The following PAWR variants were observed in gnomAD, a reference collection of about 807,000 sequenced individuals.
The protein encoded by PAWR is PRKC apoptosis WT1 regulator protein.
In PAWR, 23 loss-of-function variants were observed where a neutral mutation model predicts 32.0. The ratio of observed to expected loss-of-function variants is 0.72; its 90% confidence interval spans 0.52 to 1.02. PAWR has a LOEUF of 1.02. Among genes scored for constraint, PAWR ranks in the 50% least tolerant of loss-of-function variants. The pLI, the probability that PAWR is intolerant of heterozygous loss-of-function variation, is 0.00. For synonymous variants in PAWR, 226 were observed against 187.1 expected (o/e 1.21, Z -1.70); for missense variants, 457 against 437.7 (o/e 1.04, Z -0.39).
At chr12:79,673,506 C>T (rs569660861) in intron 2 of PAWR, among the ~76,000 whole-genome samples, 2 of 152,346 alleles carry the variant, frequency 1.3e-5, no homozygotes, top group South Asian at 2.1e-4. Context: ...CTTGCTTAGT[C>T]ACTAGAGCAG....
chr12:79,670,798 G>C (rs1877852710), intron 2 of PAWR, among the ~76,000 whole-genome samples: 1 of 150,888 alleles, frequency 6.6e-6, no homozygotes, highest in Admixed American at 6.6e-5. Context: ...TGATTTTAAA[G>C]CAAAACCTTA....
chr12:79,681,332 T>C (rs981713181), intron 2 of PAWR, among the ~76,000 whole-genome samples: 3 of 152,104 alleles, frequency 2.0e-5, no homozygotes, highest in African/African-American at 7.2e-5. Flanking sequence ...TGGTGGCTCA[T>C]GCCTGTACTC....
intron 2 of PAWR, among the ~76,000 whole-genome samples, chr12:79,660,983 T>C (rs952821807): frequency 6.6e-6 from 1 of 151,758 alleles, no homozygotes; most frequent in Non-Finnish European, 1.5e-5. Flanking sequence ...AGCGTACAAT[T>C]TTGGCTGGGC....
chr12:79,606,880 G>T (rs563681820), intron 4 of PAWR, among the ~76,000 whole-genome samples: 103 of 152,012 alleles, frequency 6.8e-4, no homozygotes, highest in Non-Finnish European at 1.3e-3. Flanking sequence ...GACTATCAAG[G>T]AATTAACTAA....
At chr12:79,674,372 CCTT>C (rs1050550807) in intron 2 of PAWR, among the ~76,000 whole-genome samples, 4 of 150,944 alleles carry the variant, frequency 2.6e-5, no homozygotes, top group African/African-American at 9.9e-5. Context: ...AAATTGGACC[CCTT>C]CTTTTCACCA....
At chr12:79,670,248 T>A (rs1877825981) in intron 2 of PAWR, among the ~76,000 whole-genome samples, 1 of 152,092 alleles carries the variant, frequency 6.6e-6, no homozygotes, top group Admixed American at 6.6e-5. Context: ...ATAAGCAAAG[T>A]CCAAGAGAAA....
intron 5 of PAWR, among the ~76,000 whole-genome samples, chr12:79,594,717 GTGTGTGTGTGTA>G (rs1240052448): frequency 7.4e-6 from 1 of 135,158 alleles, no homozygotes. Context: ...GTGTGTGTGT[GTGTGTGTGTGTA>G]TGTATGTATG....
chr12:79,587,961 A>G lies in PAWR; in HGVS notation c.*4646T>C, dbSNP rs1446287412. 6.6e-6 allele frequency: 1 copy of G among 152,076 alleles called. No individual in the cohort carries two copies. Among genetic ancestry groups the G allele is most frequent in the Non-Finnish European group, 1.5e-5 (1 of 67,882 alleles). The allele number at this position is 152,076 out of a possible 1,614,324, so 9.4% of individuals were successfully genotyped here. ...ATAAATTATCCAGATGTTTTTCCACAAATATTTGGATTACCTGAATTAGCT... is the reference window on the plus strand; with the variant it reads ...ATAAATTATCCAGATGTTTTTCCACGAATATTTGGATTACCTGAATTAGCT... On this transcript the variant is annotated 3_prime_UTR_variant, in exon 7 of 7. Coordinates refer to ENST00000328827, the MANE Select transcript of PAWR (RefSeq NM_002583.4).
intron 2 of PAWR, among the ~76,000 whole-genome samples, chr12:79,653,670 G>T (rs549357525): frequency 1.1e-4 from 16 of 151,934 alleles, no homozygotes; most frequent in Non-Finnish European, 2.1e-4. Context: ...GTAGAGACGG[G>T]GTTTCTCCAT....
chr12:79,596,196 G>C (rs564786884), intron 5 of PAWR, among the ~76,000 whole-genome samples: 1 of 152,152 alleles, frequency 6.6e-6, no homozygotes, highest in East Asian at 1.9e-4. Flanking sequence ...CTTTTAAACA[G>C]GCATATTCTT....
At chr12:79,673,851 G>A (rs1391660818) in intron 2 of PAWR, among the ~76,000 whole-genome samples, 1 of 152,094 alleles carries the variant, frequency 6.6e-6, no homozygotes, top group Non-Finnish European at 1.5e-5. Context: ...AACCAGGGAG[G>A]TGAAAGATTT....
chr12:79,610,639 A>T (rs1592498838), intron 4 of PAWR, among the ~76,000 whole-genome samples: 1 of 152,004 alleles, frequency 6.6e-6, no homozygotes. Flanking sequence ...AAAATTACAC[A>T]TTGAGGCCAG....
intron 2 of PAWR, among the ~76,000 whole-genome samples, chr12:79,631,599 T>C (rs1424273870): frequency 6.6e-6 from 1 of 152,126 alleles, no homozygotes; most frequent in Non-Finnish European, 1.5e-5. Flanking sequence ...ACCCTTACAT[T>C]ACAACTATAA....
chr12:79,641,909 A>C (rs1876346028), intron 2 of PAWR, among the ~76,000 whole-genome samples: 1 of 149,926 alleles, frequency 6.7e-6, no homozygotes, highest in South Asian at 2.1e-4. Flanking sequence ...CTACATAATA[A>C]CTCCTTTCCT....
intron 4 of PAWR, among the ~76,000 whole-genome samples, 197 bp downstream of exon 4, chr12:79,613,378 C>T (rs778656211): frequency 4.6e-5 from 7 of 152,270 alleles, no homozygotes; most frequent in Non-Finnish European, 7.4e-5. Context: ...AGTGAGTTTT[C>T]AAAGACTTCG....
intron 2 of PAWR, among the ~76,000 whole-genome samples, chr12:79,645,835 C>T (rs543341808): frequency 2.0e-5 from 3 of 152,124 alleles, no homozygotes; most frequent in Non-Finnish European, 2.9e-5. Flanking sequence ...GGCCAGCTCA[C>T]GGTGATTTGA....
intron 2 of PAWR, among the ~76,000 whole-genome samples, chr12:79,632,348 TATATATATATATA>T (rs1158059045): frequency 0.041 from 2,743 of 67,078 alleles, 147 homozygotes; most frequent in Non-Finnish European, 0.049. Flanking sequence ...TATATATATA[TATATATATATATA>T]TTTTTTTTTT....
rs959371012 is a variant in PAWR at position 79,679,969 on chromosome 12, C to T, written c.516+9760G>A. On this transcript the variant is annotated intron_variant, in intron 2 of 6. Coordinates refer to ENST00000328827, the MANE Select transcript of PAWR (RefSeq NM_002583.4). ...CCTATACCTTTCCTCTATGTCATTA[C>T]TTGGATTGATCTTCCCAAGCCATTG... is the stretch of plus-strand genomic sequence containing the variant. Among the ~76,000 whole-genome samples, 7 of 152,262 alleles carry T rather than the reference C, an allele frequency of 4.6e-5. No individual in the cohort carries two copies. The East Asian group carries it at 1.4e-3, about 29-fold the overall frequency.
intron 2 of PAWR, among the ~76,000 whole-genome samples, chr12:79,673,793 T>C (rs945910436): frequency 2.6e-5 from 4 of 152,158 alleles, no homozygotes; most frequent in Non-Finnish European, 5.9e-5. Context: ...TAGAATGTAA[T>C]CCCATTCACA....
Sources: gnomAD v4.1 joint callset for allele counts (sites outside exome capture counted in the v4.1 genomes callset) on GRCh38, gnomAD v4.1.1 for gene constraint, MANE v1.5 for transcripts, NCBI Gene and HGNC (gene_info 2026-07-23, HGNC 2026-07-21) for gene names.